LGR5: variants seen among roughly 807,000 people sequenced by gnomAD.
LGR5 encodes leucine-rich repeat-containing G protein-coupled receptor 5.
A neutral mutation model predicts 76.7 loss-of-function variants in LGR5; 54 were observed. The ratio of observed to expected loss-of-function variants is 0.70; its 90% CI spans 0.57 to 0.88. The LOEUF (loss-of-function observed/expected upper bound fraction) is 0.88. LGR5 is among the 40% of genes least tolerant of loss of function. The pLI is 0.00. For synonymous variants in LGR5, 406 were observed against 421.9 expected (o/e 0.96, Z 0.46); for missense variants, 1,078 against 1,073.3 (o/e 1.00, Z -0.06).
chr12:71,478,626 T>C (rs1370421150), intron 1 of LGR5, among the ~76,000 whole-genome samples: 1 of 152,250 alleles, frequency 6.6e-6, no homozygotes, highest in Non-Finnish European at 1.5e-5. Flanking sequence ...TTAAAAGTGC[T>C]AACTATGGCA....
chr12:71,576,542 G>A (rs1193504375), intron 13 of LGR5, among the ~76,000 whole-genome samples: 1 of 152,138 alleles, frequency 6.6e-6, no homozygotes, highest in Non-Finnish European at 1.5e-5. Flanking sequence ...GAGGCCATTA[G>A]GGAGCTCTGG....
chr12:71,582,539 G>T lies in LGR5; in HGVS notation c.1636G>T (p.Gly546Cys), dbSNP rs1032287354. The change falls in exon 17 of 18, where the codon GGC (glycine) becomes TGC (cysteine). Residue 546 changes from glycine to cysteine, a missense_variant and splice_region_variant. Gly to Cys is a radical substitution (Grantham distance 159, BLOSUM62 -3). Coordinates refer to ENST00000266674, the MANE Select transcript of LGR5 (RefSeq NM_003667.4). ...TTCAGTGCAGTGTTCACCTTCCCCA[G>T]GTGAGAAAGGCATCAAAAATTCCTC... Reference protein sequence around the residue: ...LHSVQCSPSPGPFKPCEHLLD... With the variant: ...LHSVQCSPSPCPFKPCEHLLD... 8 of 1,611,008 alleles carry T rather than the reference G, an allele frequency of 5.0e-6. No homozygotes were observed. Among genetic ancestry groups the T allele is most frequent in the Non-Finnish European group, 6.8e-6 (8 of 1,177,296 alleles).
At chr12:71,488,395 A>G (rs1873927093) in intron 1 of LGR5, among the ~76,000 whole-genome samples, 2 of 152,154 alleles carry the variant, frequency 1.3e-5, no homozygotes, top group Non-Finnish European at 2.9e-5. Flanking sequence ...CTAAGTTTCA[A>G]GACTCTGAAG....
chr12:71,461,211 C>T (rs1260478116), intron 1 of LGR5, among the ~76,000 whole-genome samples: 1 of 152,176 alleles, frequency 6.6e-6, no homozygotes, highest in Non-Finnish European at 1.5e-5. Context: ...TGCCCCTTTT[C>T]CAAAGTTATC....
intron 1 of LGR5, among the ~76,000 whole-genome samples, chr12:71,484,950 C>A (rs12829525): frequency 0.089 from 13,613 of 152,178 alleles, 641 homozygotes; most frequent in Non-Finnish European, 0.11. Context: ...CCATTTAATA[C>A]GTGACCAGTA....
intron 6 of LGR5, among the ~76,000 whole-genome samples, chr12:71,558,672 T>C (rs1877901534): frequency 6.6e-6 from 1 of 152,222 alleles, no homozygotes; most frequent in African/African-American, 2.4e-5. Context: ...TCTCTCTCTT[T>C]AAATTAAATA....
intron 1 of LGR5, among the ~76,000 whole-genome samples, chr12:71,464,226 T>C (rs1872777623): frequency 6.6e-6 from 1 of 152,226 alleles, no homozygotes. Flanking sequence ...TATATCTGTC[T>C]TGTTCACTGT....
At chr12:71,544,428 G>T (rs1398686282) in intron 4 of LGR5, among the ~76,000 whole-genome samples, 8 of 142,934 alleles carry the variant, frequency 5.6e-5, no homozygotes, top group South Asian at 2.2e-4. Flanking sequence ...AAAGACAAAA[G>T]CACAAATTTC....
intron 1 of LGR5, among the ~76,000 whole-genome samples, chr12:71,481,698 C>A (rs1179640126): frequency 3.3e-5 from 5 of 152,156 alleles, no homozygotes; most frequent in Admixed American, 6.5e-5. Context: ...ACGATGTTAA[C>A]TGCAAGATAT....
At chr12:71,580,525 G>A (rs1432578329) in intron 16 of LGR5, 102 bp downstream of exon 16, 1 of 1,196,442 alleles carries the variant, frequency 8.4e-7, no homozygotes, top group Non-Finnish European at 1.2e-6. Context: ...GCCGGGTGTG[G>A]TGGCACACAC....
chr12:71,511,754 G>A (rs1197294911), intron 2 of LGR5, among the ~76,000 whole-genome samples: 1 of 151,980 alleles, frequency 6.6e-6, no homozygotes, highest in Admixed American at 6.6e-5. Context: ...TGTGTCACCT[G>A]CCCAGCCGCC....
Position 71,544,295 on chromosome 12 carries a change from CT to C in LGR5, c.429-8767del, listed in dbSNP as rs1212836974. ...TTCTTTGTCTTTTTTTTTTCTTCGT[CT>C]TTTTTTTTTTCTTCTTCTTCTTTTT... On this transcript the variant is annotated intron_variant, in intron 4 of 17. Coordinates refer to ENST00000266674, the MANE Select transcript of LGR5 (RefSeq NM_003667.4). Among the ~76,000 whole-genome samples, 140 of 86,570 alleles carry C rather than the reference CT, an allele frequency of 1.6e-3. 2 individuals are homozygous for C. Among genetic ancestry groups the C allele is most frequent in the East Asian group, 6.5e-3 (18 of 2,758 alleles). 56.8% of individuals were successfully genotyped at this position (86,570 alleles called of 152,430 possible).
chr12:71,460,866 C>A (rs1051192670), intron 1 of LGR5, among the ~76,000 whole-genome samples: 1 of 152,104 alleles, frequency 6.6e-6, no homozygotes, highest in African/African-American at 2.4e-5. Context: ...TTGCTCAACC[C>A]TTCCCCTGCA....
chr12:71,573,913 T>TAC (rs5799050), intron 13 of LGR5, among the ~76,000 whole-genome samples: 1 of 147,484 alleles, frequency 6.8e-6, no homozygotes, highest in Non-Finnish European at 1.5e-5. Flanking sequence ...TGCTTTTACT[T>TAC]AAAAAAAAAA....
intron 1 of LGR5, among the ~76,000 whole-genome samples, chr12:71,451,125 T>C (rs1213637894): frequency 6.6e-6 from 1 of 152,192 alleles, no homozygotes; most frequent in Non-Finnish European, 1.5e-5. Context: ...CAATGCCATG[T>C]GGTTTGAAGA....
intron 2 of LGR5, among the ~76,000 whole-genome samples, chr12:71,523,177 T>A (rs1875809297): frequency 6.6e-6 from 1 of 152,132 alleles, no homozygotes; most frequent in African/African-American, 2.4e-5. Context: ...GGACACACAT[T>A]TAAAGTTATA....
At chr12:71,454,152 C>T (rs149251207) in intron 1 of LGR5, among the ~76,000 whole-genome samples, 15 of 152,174 alleles carry the variant, frequency 9.9e-5, no homozygotes, top group African/African-American at 3.1e-4. Flanking sequence ...TACCCTTCTG[C>T]AAAAGAGGCA....
At chr12:71,533,021 T>C (rs1295737764) in intron 3 of LGR5, among the ~76,000 whole-genome samples, 1 of 152,038 alleles carries the variant, frequency 6.6e-6, no homozygotes, top group Non-Finnish European at 1.5e-5. Flanking sequence ...AGCAAGATTC[T>C]CCTACCCTTC....
intron 11 of LGR5, among the ~76,000 whole-genome samples, chr12:71,569,571 T>C (rs1307366128): frequency 1.3e-5 from 2 of 152,170 alleles, no homozygotes; most frequent in East Asian, 3.8e-4. Flanking sequence ...TCAACATCAC[T>C]GATCATTAGA....
Sources: allele counts gnomAD v4.1 joint callset (sites outside exome capture counted in the v4.1 genomes callset), GRCh38; gene constraint gnomAD v4.1.1; transcripts MANE v1.5; gene names NCBI Gene and HGNC (gene_info 2026-07-23, HGNC 2026-07-21).